Variants in FZR1 observed in about 807,000 individuals in gnomAD.
The protein encoded by FZR1 is fizzy-related protein homolog.
A neutral mutation model predicts 63.6 loss-of-function variants in FZR1; 11 were observed. The observed-to-expected ratio is 0.17, with a 90% CI of 0.11 to 0.29. The LOEUF (loss-of-function observed/expected upper bound fraction) is 0.29, where lower values mean the gene tolerates loss of function less well. FZR1 is among the 10% of genes least tolerant of loss of function. The pLI is 1.00. For synonymous variants in FZR1, 328 were observed against 297.9 expected, an observed-to-expected ratio of 1.10 and a Z score of -1.04; for missense variants, 440 against 687.5, an observed-to-expected ratio of 0.64 and a Z score of 4.03.
intron 1 of FZR1, among the ~76,000 whole-genome samples, chr19:3,509,846 C>T (rs2083012197): frequency 6.6e-6 from 1 of 152,202 alleles, no homozygotes; most frequent in African/African-American, 2.4e-5. Context: ...TGTGCGTCTC[C>T]TTATTCAGTG....
At chr19:3,513,633 G>A (rs573842455) in intron 1 of FZR1, among the ~76,000 whole-genome samples, 1 of 152,310 alleles carries the variant, frequency 6.6e-6, no homozygotes, top group African/African-American at 2.4e-5. Flanking sequence ...GTTTGCCTCT[G>A]TCCTAGCCCC....
chr19:3,528,734 A>C lies in FZR1; in HGVS notation c.654+920A>C, dbSNP rs370846552. 3.4e-3 allele frequency among the ~76,000 whole-genome samples: 372 copies of C among 110,568 alleles called. 17 individuals are homozygous for C. The South Asian group carries it at 0.085, about 25-fold the overall frequency. 72.5% of individuals were successfully genotyped at this position (110,568 alleles called of 152,430 possible). ...GAGCAGATTAGGGAGTGGATGGGTG[A>C]GTGGATGGGAGAGTGGGTGGGTGTG... On this transcript the variant is annotated intron_variant, in intron 7 of 13. Transcript: ENST00000441788.
Position 3,515,001 on chromosome 19 carries a change from C to CAGT in FZR1, c.-34-7954_-34-7952dup, listed in dbSNP as rs1254592298. On this transcript the variant is annotated intron_variant, in intron 1 of 13. Transcript: ENST00000441788. This position sits in a 1 kb window ranked among gnomAD's most constrained non-coding sequence, Gnocchi z 4.6. ...CAGGGGGTTTGCAGGACCCACAGGG[C>CAGT]AGTGCCCTGCCAAGGGGATGGGGCA... Among the ~76,000 whole-genome samples the CAGT allele has an allele frequency of 6.6e-6, 1 of 152,200 alleles. No homozygotes were observed. Among genetic ancestry groups the CAGT allele is most frequent in the African/African-American group, 2.4e-5 (1 of 41,452 alleles).
At chr19:3,532,696 T>C (rs1234242470) in intron 11 of FZR1, 46 bp downstream of exon 11, 1 of 1,341,094 alleles carries the variant, frequency 7.5e-7, no homozygotes, top group Non-Finnish European at 1.1e-6. Flanking sequence ...AGGATGTGCG[T>C]CCTGCTGGCC....
In FZR1 at chr19:3,520,745, G is replaced by A. The variant is rs2083094100; in HGVS notation, c.-34-2211G>A. Among the ~76,000 whole-genome samples, 3 of 152,256 alleles carry A rather than the reference G, an allele frequency of 2.0e-5. No homozygotes were observed. In the South Asian group the frequency reaches 6.2e-4, roughly 31 times the overall value. On this transcript the variant is annotated intron_variant, in intron 1 of 13. Coordinates refer to ENST00000441788, the MANE Select transcript of FZR1 (RefSeq NM_016263.4). ...CCAACCCCAGGCCGGGAGCTCGTCA[G>A]AGGCCACCTGGAGCTGTGGAGGTGG...
At position 3,526,201 on chromosome 19, in the gene FZR1, T is replaced by C; in HGVS notation, c.259+18T>C. 1 of 1,611,894 alleles carries C rather than the reference T, an allele frequency of 6.2e-7. No homozygotes were observed. Among genetic ancestry groups the C allele is most frequent in the Non-Finnish European group, 8.5e-7 (1 of 1,179,876 alleles). On this transcript the variant is annotated intron_variant, in intron 4 of 13. Transcript: ENST00000441788. This position sits in a 1 kb window ranked among gnomAD's most constrained non-coding sequence, Gnocchi z 5.4. ...CGGCAAAGGTTAGGGTCCCAGCCCA[T>C]CCGCCCTGCAGGCCCCCACCCTGCC...
In FZR1 at chr19:3,533,747, T is replaced by C. The variant is rs1378830536; in HGVS notation, c.1347+349T>C. On this transcript the variant is annotated intron_variant, in intron 12 of 13. Coordinates refer to ENST00000441788, the MANE Select transcript of FZR1 (RefSeq NM_016263.4). This position sits in a 1 kb window ranked among gnomAD's most constrained non-coding sequence, Gnocchi z 4.9. ...GTGAACGTCCTACACAGTAACTGTA[T>C]GCACGTGGCTGGATGGGGGCCAGGA... 4.2e-6 allele frequency: 1 copy of C among 237,572 alleles called. No individual in the cohort carries two copies. Among genetic ancestry groups the C allele is most frequent in the African/African-American group, 2.3e-5 (1 of 43,694 alleles). 14.7% of individuals were successfully genotyped at this position (237,572 alleles called of 1,614,324 possible). A position where few individuals can be genotyped will look rare whatever the true frequency, so the allele number is the denominator to read the frequency against.
rs1472405628 is a variant in FZR1, at chr19:3,514,801, C to T, written c.-34-8155C>T. Among the ~76,000 whole-genome samples, 1 of 152,218 alleles carries T rather than the reference C, an allele frequency of 6.6e-6. No individual in the cohort carries two copies. Among genetic ancestry groups the T allele is most frequent in the East Asian group, 1.9e-4 (1 of 5,194 alleles). On this transcript the variant is annotated intron_variant, in intron 1 of 13. Transcript: ENST00000441788. The surrounding 1 kb of genome is among the most constrained non-coding windows in gnomAD (Gnocchi z 4.2). The stretch of plus-strand genomic sequence containing the variant: ...CATATTTATCCCAGGGCGTCTCCCT[C>T]TGTACGGGGGCCCTGTCACTGTTTT...
rs1272982584 is a variant in FZR1 at position 3,535,998 on chromosome 19, C to G, written c.*1162C>G. The G allele has an allele frequency of 6.6e-6, 1 of 152,260 alleles. No individual in the cohort carries two copies. Among genetic ancestry groups the G allele is most frequent in the East Asian group, 1.9e-4 (1 of 5,178 alleles). 9.4% of individuals were successfully genotyped at this position (152,260 alleles called of 1,614,324 possible). ...GCCTGAGCTGAGCACTGCCCCCTCA[C>G]CCCCCCACCACCCCTTCCCATTTCA... On this transcript the variant is annotated 3_prime_UTR_variant, in exon 14 of 14. Coordinates refer to ENST00000441788, the MANE Select transcript of FZR1 (RefSeq NM_016263.4).
rs376868449 is a variant in FZR1 at position 3,527,603 on chromosome 19, C to T, written c.471-28C>T. The T allele has an allele frequency of 2.5e-6, 4 of 1,581,470 alleles. No homozygotes were observed. In the South Asian group the frequency reaches 3.3e-5, roughly 13 times the overall value. On this transcript the variant is annotated intron_variant, in intron 6 of 13. Transcript: ENST00000441788. The stretch of plus-strand genomic sequence containing the variant: ...AAGAGGTGACCCAAGTGCCGTGGCT[C>T]ACGGATGCCACGTGGCCGCCTCTGC...
Position 3,525,689 on chromosome 19 carries a change from G to A in FZR1, c.70-179G>A, listed in dbSNP as rs1392797436. Among the ~76,000 whole-genome samples, 4 of 152,032 alleles carry A rather than the reference G, an allele frequency of 2.6e-5. No individual in the cohort carries two copies. Among genetic ancestry groups the A allele is most frequent in the African/African-American group, 7.2e-5 (3 of 41,394 alleles). On this transcript the variant is annotated intron_variant, in intron 2 of 13. Transcript: ENST00000441788. This position sits in a 1 kb window ranked among gnomAD's most constrained non-coding sequence, Gnocchi z 4.2. Reference sequence around the variant, plus strand: ...GATCTCCTGACCTCGTGATCCGCCCGCCTCGGCCTCCCAAAGTGCTGGGAT... The same window carrying A: ...GATCTCCTGACCTCGTGATCCGCCCACCTCGGCCTCCCAAAGTGCTGGGAT...
chr19:3,521,017 C>A (rs1427636911), intron 1 of FZR1, among the ~76,000 whole-genome samples: 1 of 152,230 alleles, frequency 6.6e-6, no homozygotes, highest in African/African-American at 2.4e-5. Context: ...CAGGGCGTGT[C>A]CGCGCTGTGG....
rs1252407167 is a variant in FZR1, at chr19:3,526,936, G to A, written c.388-44G>A. ...GCTGCTGGGGGGCTCTGAGGGTCCT[G>A]CGGCCTGGGCGTGCGCTCAGCTGGC... On this transcript the variant is annotated intron_variant, in intron 5 of 13. Transcript: ENST00000441788. The surrounding 1 kb of genome is among the most constrained non-coding windows in gnomAD (Gnocchi z 5.4). The A allele has an allele frequency of 7.1e-7, 1 of 1,417,782 alleles. No individual in the cohort carries two copies. Among genetic ancestry groups the A allele is most frequent in the Non-Finnish European group, 9.9e-7 (1 of 1,007,528 alleles). The allele number at this position is 1,417,782 out of a possible 1,614,324, so 87.8% of individuals were successfully genotyped here. A position where few individuals can be genotyped will look rare whatever the true frequency, so the allele number is the denominator to read the frequency against.
chr19:3,506,790 A>G (rs561713920), intron 1 of FZR1, among the ~76,000 whole-genome samples: 1 of 152,086 alleles, frequency 6.6e-6, no homozygotes, highest in Non-Finnish European at 1.5e-5. Context: ...TTCTTTTTAA[A>G]ATAGGCTGAG....
Position 3,526,424 on chromosome 19 carries a change from C to T in FZR1, c.387+38C>T. On this transcript the variant is annotated intron_variant, in intron 5 of 13. Coordinates refer to ENST00000441788, the MANE Select transcript of FZR1 (RefSeq NM_016263.4). This position sits in a 1 kb window ranked among gnomAD's most constrained non-coding sequence, Gnocchi z 5.4. ...CACCCCCCACCCGGGAGCTGGCTCC[C>T]AGTGCAGCCTCCCCGGCCCCCCACC... The T allele has an allele frequency of 6.6e-7, 1 of 1,522,098 alleles. No homozygotes were observed. The highest frequency in any genetic ancestry group is 1.2e-5 in the South Asian group (1 of 83,728). 94.3% of individuals were successfully genotyped at this position (1,522,098 alleles called of 1,614,324 possible).
In FZR1 at chr19:3,533,341, C is replaced by T. The variant is rs1234118900; in HGVS notation, c.1290C>T (p.Tyr430=). 3 of 1,612,998 alleles carry T rather than the reference C, an allele frequency of 1.9e-6. No homozygotes were observed. The highest frequency in any genetic ancestry group is 2.5e-6 in the Non-Finnish European group (3 of 1,179,716). Residue 430 remains tyrosine, a synonymous_variant, in exon 12 of 14, where the codon TAC becomes TAT. Coordinates refer to ENST00000441788, the MANE Select transcript of FZR1 (RefSeq NM_016263.4). This position sits in a 1 kb window ranked among gnomAD's most constrained non-coding sequence, Gnocchi z 4.9. ...YSQNQILVWK[Y]PSLTQVAKLT... is the part of the protein sequence containing the mutation. The stretch of plus-strand genomic sequence containing the variant: ...AGAACCAGATCCTTGTCTGGAAGTA[C>T]CCCTCCCTGACCCAGGTGGCCAAGC...
chr19:3,527,875 A>T (rs560830225), intron 7 of FZR1, 61 bp downstream of exon 7: 1 of 1,341,312 alleles, frequency 7.5e-7, no homozygotes. Flanking sequence ...GCAGACCTCA[A>T]TGTACCCACC....
chr19:3,518,467 C>T (rs1418509889), intron 1 of FZR1, among the ~76,000 whole-genome samples: 1 of 152,148 alleles, frequency 6.6e-6, no homozygotes, highest in East Asian at 1.9e-4. Context: ...AGGCTCCCAC[C>T]AGGACACGGG....
rs777987308 is a variant in FZR1, at chr19:3,526,767, G to A, written c.388-213G>A. ...CGGGAGCTCAAAGGCAGGATCACACGGAGCCTGGCTTGGGTCCCTCGAGAG... is the reference window on the plus strand; with the variant it reads ...CGGGAGCTCAAAGGCAGGATCACACAGAGCCTGGCTTGGGTCCCTCGAGAG... On this transcript the variant is annotated intron_variant, in intron 5 of 13. Transcript: ENST00000441788. This position sits in a 1 kb window ranked among gnomAD's most constrained non-coding sequence, Gnocchi z 5.4. 7.9e-5 allele frequency among the ~76,000 whole-genome samples: 12 copies of A among 152,288 alleles called. No individual in the cohort carries two copies. Among genetic ancestry groups the A allele is most frequent in the South Asian group, 2.1e-4 (1 of 4,828 alleles).
Sources: gnomAD v4.1 joint callset for allele counts (sites outside exome capture counted in the v4.1 genomes callset) on GRCh38, gnomAD v4.1.1 for gene constraint, Gnocchi (gnomAD v3.1) non-coding constraint, MANE v1.5 for transcripts, NCBI Gene and HGNC (gene_info 2026-07-23, HGNC 2026-07-21) for gene names.